Variants in MYO3B observed in about 807,000 individuals in gnomAD.
The protein encoded by MYO3B is myosin-IIIb.
MYO3B carries 156 observed loss-of-function variants against 174.6 expected under a neutral mutation model. The ratio of observed to expected loss-of-function variants is 0.89; its 90% CI spans 0.78 to 1.02. MYO3B has a LOEUF of 1.02. Among genes scored for constraint, MYO3B ranks in the 50% least tolerant of loss-of-function variants. The probability of loss-of-function intolerance (pLI) is 0.00; values close to 1 mark genes in which losing one functional copy is unlikely to be tolerated. For synonymous variants in MYO3B, 563 were observed against 569.1 expected, an observed-to-expected ratio of 0.99 and a Z score of 0.15; for missense variants, 1,632 against 1,639.4, an observed-to-expected ratio of 1.00 and a Z score of 0.08.
chr2:170,233,710 A>G (rs2093037443), intron 6 of MYO3B, among the ~76,000 whole-genome samples: 1 of 152,236 alleles, frequency 6.6e-6, no homozygotes, highest in East Asian at 1.9e-4. Context: ...CTCAGAAGAG[A>G]AGAGTACAGG....
chr2:170,607,035 A>G (rs1242866795), intron 32 of MYO3B, among the ~76,000 whole-genome samples: 1 of 152,164 alleles, frequency 6.6e-6, no homozygotes, highest in African/African-American at 2.4e-5. Context: ...AATAAAATAA[A>G]ACAAAATAAA....
chr2:170,589,553 G>C (rs1693695911), intron 32 of MYO3B, among the ~76,000 whole-genome samples: 1 of 152,006 alleles, frequency 6.6e-6, no homozygotes, highest in Admixed American at 6.6e-5. Flanking sequence ...ACAAAAAAAA[G>C]TTTTAAAAGT....
At chr2:170,194,317 C>G (rs943781156) in intron 1 of MYO3B, among the ~76,000 whole-genome samples, 2 of 152,024 alleles carry the variant, frequency 1.3e-5, no homozygotes, top group African/African-American at 4.8e-5. Flanking sequence ...CCAGCCTGGG[C>G]TGTTAGGAAG....
At chr2:170,272,794 T>G (rs2093434895) in intron 7 of MYO3B, among the ~76,000 whole-genome samples, 1 of 152,194 alleles carries the variant, frequency 6.6e-6, no homozygotes, top group African/African-American at 2.4e-5. Flanking sequence ...TTTTGCCCTT[T>G]CTTTGCCCCT....
intron 7 of MYO3B, among the ~76,000 whole-genome samples, chr2:170,249,268 A>G (rs1268736614): frequency 6.6e-6 from 1 of 152,114 alleles, no homozygotes; most frequent in Non-Finnish European, 1.5e-5. Flanking sequence ...GAGTAACATC[A>G]ACTCCCTCTA....
intron 7 of MYO3B, among the ~76,000 whole-genome samples, chr2:170,241,362 T>C (rs1355833828): frequency 1.3e-5 from 2 of 152,206 alleles, no homozygotes; most frequent in African/African-American, 4.8e-5. Flanking sequence ...TAGAGCTTTA[T>C]ACTTATGGAA....
intron 32 of MYO3B, among the ~76,000 whole-genome samples, chr2:170,645,242 A>G (rs559756830): frequency 3.6e-4 from 55 of 152,124 alleles, no homozygotes; most frequent in Non-Finnish European, 6.2e-4. Flanking sequence ...AAGCCAAGGC[A>G]GGTGGATTGC....
At chr2:170,288,138 T>G (rs1260094986) in intron 7 of MYO3B, among the ~76,000 whole-genome samples, 1 of 152,148 alleles carries the variant, frequency 6.6e-6, no homozygotes, top group Non-Finnish European at 1.5e-5. Context: ...TGTAGTAAAT[T>G]TTGAAGTCAG....
intron 7 of MYO3B, among the ~76,000 whole-genome samples, chr2:170,305,005 T>C (rs868064579): frequency 1.3e-5 from 2 of 152,042 alleles, no homozygotes; most frequent in Admixed American, 6.6e-5. Context: ...ATCTCTTTTC[T>C]GTCTCAAGAT....
intron 23 of MYO3B, among the ~76,000 whole-genome samples, chr2:170,460,897 TA>T (rs577524028): frequency 3.7e-4 from 56 of 152,322 alleles, no homozygotes; most frequent in African/African-American, 9.6e-4. Flanking sequence ...AATTTTCTTA[TA>T]AGAGTATTCC....
chr2:170,233,104 A>G (rs550718370), intron 6 of MYO3B, among the ~76,000 whole-genome samples: 1 of 152,294 alleles, frequency 6.6e-6, no homozygotes, highest in South Asian at 2.1e-4. Context: ...GCTGATTTGA[A>G]TTTCTCCGCA....
chr2:170,179,692 C>G (rs1175657443), intron 1 of MYO3B, among the ~76,000 whole-genome samples: 1 of 152,150 alleles, frequency 6.6e-6, no homozygotes, highest in Non-Finnish European at 1.5e-5. Flanking sequence ...TTCCCAGCCT[C>G]CAGAACCATG....
At chr2:170,633,015 G>T (rs181237667) in intron 32 of MYO3B, among the ~76,000 whole-genome samples, 186 of 152,306 alleles carry the variant, frequency 1.2e-3, no homozygotes, top group Non-Finnish European at 2.4e-3. Context: ...GGGTCAGACA[G>T]ATTCACAGCC....
chr2:170,636,363 T>G (rs574395841), intron 32 of MYO3B, among the ~76,000 whole-genome samples: 1 of 151,994 alleles, frequency 6.6e-6, no homozygotes, highest in African/African-American at 2.4e-5. Flanking sequence ...TAACTGTTTG[T>G]GTTATGTTAT....
intron 32 of MYO3B, chr2:170,602,074 A>G: frequency 9.6e-7 from 1 of 1,045,628 alleles, no homozygotes; most frequent in Non-Finnish European, 1.5e-6. Flanking sequence ...TTTAGCAGAC[A>G]TGGCCTTCCA....
At chr2:170,550,956 T>C (rs10168646) in intron 32 of MYO3B, among the ~76,000 whole-genome samples, 5,700 of 152,288 alleles carry the variant, frequency 0.037, 340 homozygotes, top group African/African-American at 0.13. Flanking sequence ...TGCAGTGCGG[T>C]GGCATGATCT....
intron 7 of MYO3B, among the ~76,000 whole-genome samples, chr2:170,328,485 C>A (rs1022137988): frequency 3.3e-5 from 5 of 152,110 alleles, no homozygotes; most frequent in Non-Finnish European, 7.3e-5. Flanking sequence ...AAATTGCTCA[C>A]TGAGCCACCC....
chr2:170,501,459 C>T (rs915351473), intron 27 of MYO3B, among the ~76,000 whole-genome samples: 1 of 152,202 alleles, frequency 6.6e-6, no homozygotes, highest in Non-Finnish European at 1.5e-5. Flanking sequence ...GTCTTGAAGA[C>T]AGGGCTTTCT....
chr2:170,208,548 A>G (rs2092738132), intron 3 of MYO3B, among the ~76,000 whole-genome samples: 1 of 152,214 alleles, frequency 6.6e-6, no homozygotes, highest in Non-Finnish European at 1.5e-5. Context: ...AGGTTTTTAC[A>G]TCACCTATCC....
Sources: gnomAD v4.1 joint callset for allele counts (sites outside exome capture counted in the v4.1 genomes callset) on GRCh38, gnomAD v4.1.1 for gene constraint, MANE v1.5 for transcripts, NCBI Gene and HGNC (gene_info 2026-07-23, HGNC 2026-07-21) for gene names.